AR: variants seen among roughly 807,000 people sequenced by gnomAD.
AR encodes the protein androgen receptor.
Under a neutral mutation model 53.9 loss-of-function variants are expected in AR, and 8 were observed. That is an observed-to-expected ratio of 0.15 (90% CI 0.09 to 0.27). AR has a LOEUF of 0.27. Among genes scored for constraint, AR ranks in the 10% least tolerant of loss-of-function variants. The probability of loss-of-function intolerance (pLI) is 1.00; values close to 1 mark genes in which losing one functional copy is unlikely to be tolerated. For missense variants in AR, 639 were observed against 742.5 expected, an observed-to-expected ratio of 0.86 and a Z score of 1.62; for synonymous variants, 359 against 316.4, an observed-to-expected ratio of 1.13 and a Z score of -1.43.
rs10666509 is a variant in AR at position 67,728,574 on chromosome X, AATATATATATATAT to A, written c.*4761_*4774del. ...ATTTGTATCCATGTTTCAAAATTGA[AATATATATATATAT>A]ATATATATATATATATATATATATA... is the stretch of plus-strand genomic sequence containing the variant. On this transcript the variant is annotated 3_prime_UTR_variant, in exon 8 of 8. Coordinates refer to ENST00000374690, the MANE Select transcript of AR (RefSeq NM_000044.6). 79 of 29,851 alleles carry A rather than the reference AATATATATATATAT, an allele frequency of 2.6e-3. 3 individuals are homozygous for A. The East Asian group carries it at 0.078, about 30-fold the overall frequency. 2.5% of individuals were successfully genotyped at this position (29,851 alleles called of 1,213,427 possible).
chrX:67,625,346 T>C (rs946622357), intron 1 of AR, among the ~76,000 whole-genome samples: 1 of 111,417 alleles, frequency 9.0e-6, no homozygotes, highest in Non-Finnish European at 1.9e-5. Flanking sequence ...TCCCCAAAGA[T>C]TGAAGGAAAT....
intron 2 of AR, among the ~76,000 whole-genome samples, chrX:67,660,609 T>C (rs943815316): frequency 8.9e-6 from 1 of 111,985 alleles, no homozygotes; most frequent in African/African-American, 3.2e-5. Flanking sequence ...CTGTTTTGGC[T>C]ACTGTAGCCT....
chrX:67,614,416 G>A (rs777664489), intron 1 of AR, among the ~76,000 whole-genome samples: 1 of 111,389 alleles, frequency 9.0e-6, no homozygotes, highest in Non-Finnish European at 1.9e-5. Flanking sequence ...TTTAATAAGT[G>A]GTTTATGTAA....
chrX:67,703,794 C>A (rs1246009479), intron 3 of AR, among the ~76,000 whole-genome samples: 1 of 111,114 alleles, frequency 9.0e-6, no homozygotes, highest in Non-Finnish European at 1.9e-5. Flanking sequence ...ATCCCTCCAC[C>A]CTTCCCCAAC....
intron 1 of AR, among the ~76,000 whole-genome samples, chrX:67,608,918 T>C (rs1602189410): frequency 9.0e-6 from 1 of 111,404 alleles, no homozygotes; most frequent in African/African-American, 3.3e-5. Context: ...CTTCCAATAT[T>C]GGTGGCTATA....
intron 2 of AR, among the ~76,000 whole-genome samples, chrX:67,672,713 TGA>T (rs750889700): frequency 1.8e-5 from 2 of 111,653 alleles, no homozygotes; most frequent in South Asian, 7.5e-4. Context: ...GTTTATGTCT[TGA>T]AAAGTAGTTT....
At chrX:67,560,815 T>C (rs1170247707) in intron 1 of AR, among the ~76,000 whole-genome samples, 3 of 111,608 alleles carry the variant, frequency 2.7e-5, no homozygotes, top group East Asian at 2.8e-4. Context: ...CTATCCATTC[T>C]TCTATGACAG....
chrX:67,560,653 C>A (rs1045985164), intron 1 of AR, among the ~76,000 whole-genome samples: 1 of 111,685 alleles, frequency 9.0e-6, no homozygotes, highest in Non-Finnish European at 1.9e-5. Flanking sequence ...ATTTTTCCAG[C>A]CTGAATTCCT....
Position 67,723,943 on chromosome X carries a change from T to A in AR, c.*102T>A. 1 of 1,050,845 alleles carries A rather than the reference T, an allele frequency of 9.5e-7. No homozygotes were observed. The highest frequency in any genetic ancestry group is 1.3e-6 in the Non-Finnish European group (1 of 760,915). 86.6% of individuals were successfully genotyped at this position (1,050,845 alleles called of 1,213,427 possible). On this transcript the variant is annotated 3_prime_UTR_variant, in exon 8 of 8. Transcript: ENST00000374690. ...ACTCCTCTGCAGTGCCTTGGGGAAT[T>A]TCCTCTATTGATGTACAGTCTGTCA...
intron 2 of AR, among the ~76,000 whole-genome samples, chrX:67,659,464 G>A (rs1471231652): frequency 9.0e-6 from 1 of 110,682 alleles, no homozygotes; most frequent in Admixed American, 9.7e-5. Context: ...GAGAACATGC[G>A]GTGTTTGGTT....
At chrX:67,678,222 CAA>C (rs1040854301) in intron 2 of AR, among the ~76,000 whole-genome samples, 40 of 111,587 alleles carry the variant, frequency 3.6e-4, no homozygotes, top group African/African-American at 1.3e-3. Flanking sequence ...AGTGGCCTGA[CAA>C]GAGAAGTTCC....
chrX:67,568,173 A>G (rs1017905439), intron 1 of AR, among the ~76,000 whole-genome samples: 1 of 111,792 alleles, frequency 8.9e-6, no homozygotes, highest in African/African-American at 3.3e-5. Flanking sequence ...CCTTCTTTGT[A>G]TATAGCAGGC....
intron 2 of AR, among the ~76,000 whole-genome samples, chrX:67,653,748 G>C (rs927942839): frequency 3.6e-5 from 4 of 110,823 alleles, no homozygotes; most frequent in Non-Finnish European, 7.5e-5. Context: ...AGTGTAACAA[G>C]ATGCAGTGCA....
intron 3 of AR, among the ~76,000 whole-genome samples, chrX:67,689,940 C>T (rs1457722747): frequency 8.9e-6 from 1 of 111,837 alleles, no homozygotes; most frequent in Non-Finnish European, 1.9e-5. Context: ...TTCCTGCCAT[C>T]TTCTCCCCTG....
chrX:67,669,045 T>A (rs1288405440), intron 2 of AR, among the ~76,000 whole-genome samples: 2 of 111,764 alleles, frequency 1.8e-5, no homozygotes, highest in East Asian at 5.5e-4. Context: ...CTTTTAATTT[T>A]ATTTATTTCT....
intron 2 of AR, among the ~76,000 whole-genome samples, chrX:67,661,321 G>A (rs1445390402): frequency 9.0e-6 from 1 of 110,850 alleles, no homozygotes; most frequent in Non-Finnish European, 1.9e-5. Flanking sequence ...TCCAGTTTTT[G>A]CCCATTCAGT....
intron 3 of AR, among the ~76,000 whole-genome samples, chrX:67,686,762 A>G (rs1037649053): frequency 2.7e-5 from 3 of 111,183 alleles, no homozygotes; most frequent in African/African-American, 3.3e-5. Context: ...ATTTTTTTTC[A>G]GTAGCACAGT....
rs2076018817 is a variant in AR at position 67,695,982 on chromosome X, G to T, written c.1885+9856G>T. The T allele has an allele frequency of 1.1e-5, 8 of 751,316 alleles. No homozygotes were observed. The South Asian group carries it at 5.5e-4, about 51-fold the overall frequency. 61.9% of individuals were successfully genotyped at this position (751,316 alleles called of 1,213,427 possible). On this transcript the variant is annotated intron_variant, in intron 3 of 7. Coordinates refer to ENST00000374690, the MANE Select transcript of AR (RefSeq NM_000044.6). ...GAAGTTCCCTAATGTGGATTGAAAG[G>T]CTAATGAGGTTTATTTTTAACTACT...
chrX:67,599,532 G>C (rs1292527258), intron 1 of AR, among the ~76,000 whole-genome samples: 1 of 111,715 alleles, frequency 9.0e-6, no homozygotes, highest in Admixed American at 9.5e-5. Context: ...AGGAGGGAGA[G>C]AGGAGTTTTC....
Sources: gnomAD v4.1 joint callset for allele counts (sites outside exome capture counted in the v4.1 genomes callset) on GRCh38, gnomAD v4.1.1 for gene constraint, MANE v1.5 for transcripts, NCBI Gene and HGNC (gene_info 2026-07-23, HGNC 2026-07-21) for gene names.